NEBL: variants seen among roughly 807,000 people sequenced by gnomAD.
NEBL encodes nebulette.
NEBL carries 122 observed loss-of-function variants against 140.2 expected under a neutral mutation model. The observed-to-expected ratio is 0.87, with a 90% CI of 0.75 to 1.01. The LOEUF (loss-of-function observed/expected upper bound fraction) is 1.01. NEBL is among the 50% of genes least tolerant of loss of function. The pLI, the probability that NEBL is intolerant of heterozygous loss-of-function variation, is 0.00. For synonymous variants in NEBL, 436 were observed against 398.9 expected, an observed-to-expected ratio of 1.09 and a Z score of -1.11; for missense variants, 1,365 against 1,231.3, an observed-to-expected ratio of 1.11 and a Z score of -1.62.
chr10:20,790,991 G>C (rs2131636762), intron 26 of NEBL, among the ~76,000 whole-genome samples: 1 of 152,310 alleles, frequency 6.6e-6, no homozygotes, highest in African/African-American at 2.4e-5. Flanking sequence ...GATACCATTA[G>C]CATTGCTACA....
chr10:20,893,255 A>G (rs569368742), intron 2 of NEBL, among the ~76,000 whole-genome samples: 2 of 152,354 alleles, frequency 1.3e-5, no homozygotes, highest in Admixed American at 6.5e-5. Context: ...AGGATTCTGA[A>G]TGCTCAATAG....
At chr10:21,064,813 A>G (rs1451465078) in intron 2 of NEBL, among the ~76,000 whole-genome samples, 1 of 152,194 alleles carries the variant, frequency 6.6e-6, no homozygotes, top group Non-Finnish European at 1.5e-5. Flanking sequence ...AGATACTATT[A>G]AACTGAGATC....
At chr10:20,990,977 G>A (rs992871601) in intron 3 of NEBL, among the ~76,000 whole-genome samples, 9 of 152,066 alleles carry the variant, frequency 5.9e-5, no homozygotes, top group South Asian at 2.1e-4. Flanking sequence ...TATTTTGCAC[G>A]CTGTCCATCA....
In NEBL at chr10:20,974,252, C is replaced by CTT. The variant is rs200215327; in HGVS notation, c.250-12475_250-12474dup. Among the ~76,000 whole-genome samples, 16 of 140,980 alleles carry CTT rather than the reference C, an allele frequency of 1.1e-4. No individual in the cohort carries two copies. The East Asian group carries it at 1.5e-3, about 13-fold the overall frequency. The allele number at this position is 140,980 out of a possible 152,430, so 92.5% of individuals were successfully genotyped here. The stretch of plus-strand genomic sequence containing the variant: ...CAAAGACCATCGCTTAGTTTTTTTT[C>CTT]TTTTTTTTTTTTTTTCTTTTAGACA... On this transcript the variant is annotated intron_variant, in intron 3 of 6. Transcript: ENST00000417816.
At chr10:21,069,197 C>T (rs763243628) in intron 2 of NEBL, among the ~76,000 whole-genome samples, 11 of 152,116 alleles carry the variant, frequency 7.2e-5, no homozygotes, top group South Asian at 2.1e-4. Context: ...CCCATCATAA[C>T]TATTTTCGAG....
intron 3 of NEBL, among the ~76,000 whole-genome samples, chr10:20,988,048 C>T (rs1837322718): frequency 6.6e-6 from 1 of 152,140 alleles, no homozygotes. Context: ...TTCAATGTAA[C>T]ACCAATCAAA....
At chr10:21,264,466 C>T (rs541285745) in intron 1 of NEBL, among the ~76,000 whole-genome samples, 1 of 152,042 alleles carries the variant, frequency 6.6e-6, no homozygotes, top group Non-Finnish European at 1.5e-5. Context: ...TGCCACCCTT[C>T]TGCAGGTGTT....
intron 4 of NEBL, among the ~76,000 whole-genome samples, chr10:20,902,315 A>C (rs910925748): frequency 5.9e-5 from 9 of 152,048 alleles, no homozygotes; most frequent in African/African-American, 2.2e-4. Flanking sequence ...CTGAGGCAGG[A>C]GAATGGCGTG....
intron 12 of NEBL, 28 bp from the exon 13 acceptor site, chr10:20,840,877 A>G: frequency 7.7e-7 from 1 of 1,300,072 alleles, no homozygotes; most frequent in South Asian, 1.2e-5. Context: ...CACAGTTCAA[A>G]ACTTAGCAGG....
chr10:21,134,484 T>C (rs1297590570), intron 2 of NEBL, among the ~76,000 whole-genome samples: 1 of 152,222 alleles, frequency 6.6e-6, no homozygotes, highest in Admixed American at 6.5e-5. Flanking sequence ...ATATGTTTCC[T>C]AAATTTTAGA....
chr10:21,066,803 C>T lies in NEBL; in HGVS notation c.165-46602G>A, dbSNP rs185247497. Among the ~76,000 whole-genome samples, 5 of 131,018 alleles carry T rather than the reference C, an allele frequency of 3.8e-5. No individual in the cohort carries two copies. The East Asian group carries it at 7.0e-4, about 18-fold the overall frequency. The allele number at this position is 131,018 out of a possible 152,430, so 86.0% of individuals were successfully genotyped here. A position where few individuals can be genotyped will look rare whatever the true frequency, so the allele number is the denominator to read the frequency against. Reference sequence around the variant, plus strand: ...CTACAAAATCATTGTTCTCTTACATCGATTTTCTTACATTGTTCTGCGGTT... The same window carrying T: ...CTACAAAATCATTGTTCTCTTACATTGATTTTCTTACATTGTTCTGCGGTT... On this transcript the variant is annotated intron_variant, in intron 2 of 6. Transcript: ENST00000417816.
In NEBL at chr10:20,965,234, A is replaced by G. The variant is rs141499897; in HGVS notation, c.250-3455T>C. On this transcript the variant is annotated intron_variant, in intron 3 of 6. Transcript: ENST00000417816. ...CTTCATGGGGCTTATGTTAATTACA[A>G]TGCAAGAGATGAAAAACACACAAGA... Among the ~76,000 whole-genome samples the G allele has an allele frequency of 4.7e-4, 72 of 152,320 alleles. 1 individual carries two copies. In the East Asian group the frequency reaches 0.012, roughly 26 times the overall value.
At chr10:21,077,380 G>A (rs971750323) in intron 2 of NEBL, among the ~76,000 whole-genome samples, 2 of 152,116 alleles carry the variant, frequency 1.3e-5, no homozygotes, top group Admixed American at 6.5e-5. Context: ...TGAAGCGGGT[G>A]GGTCACAAGG....
At chr10:21,109,208 AG>A (rs1361950442) in intron 2 of NEBL, among the ~76,000 whole-genome samples, 2 of 152,166 alleles carry the variant, frequency 1.3e-5, no homozygotes, top group South Asian at 2.1e-4. Flanking sequence ...TTTAGCATGA[AG>A]GGCTGTTGAA....
intron 26 of NEBL, among the ~76,000 whole-genome samples, chr10:20,794,888 C>T (rs1836357426): frequency 6.6e-6 from 1 of 152,134 alleles, no homozygotes. Context: ...TAGGATGTCA[C>T]ATGCTTTAGT....
intron 3 of NEBL, among the ~76,000 whole-genome samples, chr10:21,231,689 C>T (rs930097137): frequency 3.3e-5 from 5 of 152,110 alleles, no homozygotes; most frequent in Non-Finnish European, 5.9e-5. Context: ...GAGAACGTTC[C>T]TGAAAGCCAA....
intron 4 of NEBL, among the ~76,000 whole-genome samples, chr10:20,918,445 G>A (rs933959728): frequency 6.6e-6 from 1 of 152,164 alleles, no homozygotes; most frequent in Non-Finnish European, 1.5e-5. Context: ...TTACTCATCA[G>A]TAGTAGTGAA....
At chr10:20,813,345 G>A (rs1838359839) in intron 23 of NEBL, among the ~76,000 whole-genome samples, 1 of 151,750 alleles carries the variant, frequency 6.6e-6, no homozygotes, top group East Asian at 1.9e-4. Context: ...TCATGAAAAT[G>A]GCATTATTTA....
At chr10:21,233,782 T>A (rs1416380040) in intron 3 of NEBL, among the ~76,000 whole-genome samples, 3 of 143,944 alleles carry the variant, frequency 2.1e-5, no homozygotes, top group African/African-American at 5.1e-5. Context: ...TAAATGCATA[T>A]ATATGCATAT....
Sources: allele counts gnomAD v4.1 joint callset (sites outside exome capture counted in the v4.1 genomes callset), GRCh38; gene constraint gnomAD v4.1.1; transcripts MANE v1.5; gene names NCBI Gene and HGNC (gene_info 2026-07-23, HGNC 2026-07-21).